SLC24A2: variants seen among roughly 807,000 people sequenced by gnomAD.
SLC24A2 encodes the protein solute carrier family 24 member 2, also known as sodium/potassium/calcium exchanger 2.
A neutral mutation model predicts 62.0 loss-of-function variants in SLC24A2; 36 were observed. The ratio of observed to expected loss-of-function variants is 0.58; its 90% CI spans 0.44 to 0.77. SLC24A2 has a LOEUF of 0.77. SLC24A2 is among the 30% of genes least tolerant of loss of function. The probability of loss-of-function intolerance (pLI) is 0.00; values close to 1 mark genes in which losing one functional copy is unlikely to be tolerated. For missense variants in SLC24A2, 846 were observed against 817.9 expected, an observed-to-expected ratio of 1.03 and a Z score of -0.42; for synonymous variants, 358 against 294.0, an observed-to-expected ratio of 1.22 and a Z score of -2.23.
At chr9:20,170,263 G>GA in the SLC24A2 span, among the ~76,000 whole-genome samples, 2 of 147,466 alleles carry the variant, frequency 1.4e-5, no homozygotes, top group African/African-American at 5.2e-5. Flanking sequence ...GCCACAAAGT[G>GA]AAACCAGCAC....
chr9:19,908,416 T>C, the SLC24A2 span, among the ~76,000 whole-genome samples: 2 of 152,078 alleles, frequency 1.3e-5, no homozygotes, highest in Non-Finnish European at 2.9e-5. Flanking sequence ...ATTCAGGACA[T>C]AGGCATGGGC....
At chr9:19,586,917 C>T (rs1836392931) in intron 5 of SLC24A2, among the ~76,000 whole-genome samples, 1 of 152,150 alleles carries the variant, frequency 6.6e-6, no homozygotes, top group South Asian at 2.1e-4. Flanking sequence ...TAGACAGAAG[C>T]TTTAAATGTC....
intron 6 of SLC24A2, among the ~76,000 whole-genome samples, chr9:19,575,113 G>A (rs1835968815): frequency 1.3e-5 from 2 of 152,196 alleles, no homozygotes; most frequent in Admixed American, 1.3e-4. Context: ...TATGTATTTA[G>A]TTGTGGAATA....
intron 2 of SLC24A2, among the ~76,000 whole-genome samples, chr9:19,740,411 T>C (rs1821638850): frequency 6.6e-6 from 1 of 152,214 alleles, no homozygotes; most frequent in Non-Finnish European, 1.5e-5. Flanking sequence ...AATAAAACTA[T>C]GGCTATATGC....
chr9:20,268,150 A>C, the SLC24A2 span, among the ~76,000 whole-genome samples: 2 of 152,104 alleles, frequency 1.3e-5, no homozygotes, highest in Admixed American at 1.3e-4. Context: ...TGTGGGAAGC[A>C]TGGCTTAGGA....
At chr9:19,821,049 A>G in the SLC24A2 span, among the ~76,000 whole-genome samples, 1 of 152,116 alleles carries the variant, frequency 6.6e-6, no homozygotes, top group African/African-American at 2.4e-5. Context: ...TTTGAAATAA[A>G]ATGGTAAATT....
chr9:20,016,962 C>T, the SLC24A2 span, among the ~76,000 whole-genome samples: 3 of 152,118 alleles, frequency 2.0e-5, no homozygotes, highest in African/African-American at 7.2e-5. Context: ...TAAAAGATCA[C>T]ATAAGTTTTA....
chr9:20,016,868 A>G, the SLC24A2 span, among the ~76,000 whole-genome samples: 9 of 152,206 alleles, frequency 5.9e-5, no homozygotes, highest in African/African-American at 2.2e-4. Flanking sequence ...ATCAGGAGAG[A>G]TAAAAGAGGG....
chr9:19,623,275 C>G (rs574678717), intron 2 of SLC24A2, among the ~76,000 whole-genome samples: 26 of 152,322 alleles, frequency 1.7e-4, no homozygotes, highest in African/African-American at 5.5e-4. Context: ...ACAGCAAGAA[C>G]AAACTGGAAC....
chr9:19,923,336 G>A, the SLC24A2 span, among the ~76,000 whole-genome samples: 1 of 152,122 alleles, frequency 6.6e-6, no homozygotes, highest in Non-Finnish European at 1.5e-5. Flanking sequence ...ACATTGAGGT[G>A]GTGGGACTCT....
At chr9:20,020,373 A>T in the SLC24A2 span, among the ~76,000 whole-genome samples, 1 of 152,200 alleles carries the variant, frequency 6.6e-6, no homozygotes, top group Non-Finnish European at 1.5e-5. Flanking sequence ...CATCTACACC[A>T]TGGAATATTA....
intron 8 of SLC24A2, among the ~76,000 whole-genome samples, chr9:19,541,475 T>G (rs1394408600): frequency 6.6e-6 from 1 of 151,272 alleles, no homozygotes; most frequent in East Asian, 2.0e-4. Context: ...GTGTGAGGTG[T>G]CAGTGTGCCC....
chr9:20,102,978 T>C, the SLC24A2 span, among the ~76,000 whole-genome samples: 1,300 of 152,268 alleles, frequency 8.5e-3, 16 homozygotes, highest in African/African-American at 0.029. Context: ...CCTGGAAAAC[T>C]GGGTCACTCC....
At chr9:20,262,008 G>T in the SLC24A2 span, among the ~76,000 whole-genome samples, 2 of 152,078 alleles carry the variant, frequency 1.3e-5, no homozygotes, top group African/African-American at 4.8e-5. Flanking sequence ...AAAGTGCTGG[G>T]AATACAGGTG....
the SLC24A2 span, among the ~76,000 whole-genome samples, chr9:19,900,729 G>C: frequency 6.6e-6 from 1 of 152,310 alleles, no homozygotes; most frequent in Middle Eastern, 3.4e-3. Flanking sequence ...AAGGAAAGTA[G>C]TTCTATCATG....
At chr9:20,287,059 T>C in the SLC24A2 span, among the ~76,000 whole-genome samples, 2 of 152,226 alleles carry the variant, frequency 1.3e-5, no homozygotes, top group Non-Finnish European at 2.9e-5. Context: ...GGAGGTCTGC[T>C]TCCTAAATAA....
the SLC24A2 span, among the ~76,000 whole-genome samples, chr9:20,107,318 T>C: frequency 6.6e-6 from 1 of 151,722 alleles, no homozygotes; most frequent in Non-Finnish European, 1.5e-5. Flanking sequence ...TACCAATGAC[T>C]TTCTTCACAG....
chr9:19,868,578 G>A, the SLC24A2 span, among the ~76,000 whole-genome samples: 27 of 152,038 alleles, frequency 1.8e-4, no homozygotes, highest in Non-Finnish European at 3.5e-4. Context: ...TTTGAGAATG[G>A]GATATTATTT....
At chr9:19,848,666 T>C in the SLC24A2 span, among the ~76,000 whole-genome samples, 1 of 152,226 alleles carries the variant, frequency 6.6e-6, no homozygotes, top group African/African-American at 2.4e-5. Context: ...TTTAAAAATT[T>C]GCTTCCTAAA....
Sources: gnomAD v4.1 joint callset for allele counts (sites outside exome capture counted in the v4.1 genomes callset) on GRCh38, gnomAD v4.1.1 for gene constraint, MANE v1.5 for transcripts, NCBI Gene and HGNC (gene_info 2026-07-23, HGNC 2026-07-21) for gene names.